ZNF584: variants seen among roughly 807,000 people sequenced by gnomAD.
ZNF584 encodes zinc finger protein 584.
Under a neutral mutation model 14.7 loss-of-function variants are expected in ZNF584, and 12 were observed. The observed-to-expected ratio is 0.82, with a 90% CI of 0.52 to 1.32. The LOEUF is 1.32. Ranked by LOEUF, ZNF584 falls within the 40% of genes most tolerant of loss-of-function variation. ZNF584 has a pLI of 0.00. For missense variants in ZNF584, 478 were observed against 518.8 expected, an observed-to-expected ratio of 0.92 and a Z score of 0.76; for synonymous variants, 204 against 190.9, an observed-to-expected ratio of 1.07 and a Z score of -0.57.
At position 58,417,231 on chromosome 19, in the gene ZNF584, G is replaced by A; in HGVS notation, c.713G>A (p.Gly238Asp). 2 of 1,614,102 alleles carry A rather than the reference G, an allele frequency of 1.2e-6. No individual in the cohort carries two copies. Among genetic ancestry groups the A allele is most frequent in the Non-Finnish European group, 1.7e-6 (2 of 1,180,024 alleles). Residue 238 changes from glycine to aspartate, a missense_variant, in exon 4 of 4, where the codon GGC becomes GAC. Gly to Asp is a moderately conservative substitution (Grantham distance 94, BLOSUM62 -1). Coordinates refer to ENST00000306910, the MANE Select transcript of ZNF584 (RefSeq NM_173548.3). ...AGGAAACACCAGAAGGTTCACACAG[G>A]CATAAAACCTTTTAAGTGTAGTGAC... ...KLRKHQKVHT[G>D]IKPFKCSDCG...
intron 2 of ZNF584, among the ~76,000 whole-genome samples, chr19:58,412,923 A>T (rs1255861030): frequency 6.6e-6 from 1 of 152,196 alleles, no homozygotes; most frequent in Non-Finnish European, 1.5e-5. Flanking sequence ...CATCTAAGTT[A>T]TCCAATTTGT....
rs1491122996 is a variant in ZNF584, at chr19:58,410,777, A to ATTTTTTTT, written c.169+686_169+687insTTTTTTTT. On this transcript the variant is annotated intron_variant, in intron 2 of 3. Transcript: ENST00000306910. ...TATATATATATGTATATATATATAT[A>ATTTTTTTT]ATTTTTTTTTTTTTTTTTTTTTTTT... is the stretch of plus-strand genomic sequence containing the variant. 1.1e-3 allele frequency among the ~76,000 whole-genome samples: 9 copies of ATTTTTTTT among 8,076 alleles called. 1 individual carries two copies. Among genetic ancestry groups the ATTTTTTTT allele is most frequent in the Non-Finnish European group, 2.3e-3 (7 of 3,010 alleles). 5.3% of individuals were successfully genotyped at this position (8,076 alleles called of 152,430 possible).
chr19:58,410,649 ATATATGTGTATATATGTATATATGTG>A (rs1568584818), intron 2 of ZNF584, among the ~76,000 whole-genome samples: 1 of 24,880 alleles, frequency 4.0e-5, no homozygotes, highest in Non-Finnish European at 6.7e-5. Flanking sequence ...ATATATGTGT[ATATATGTGTATATATGTATATATGTG>A]TATATATATG....
chr19:58,416,208 C>T, intron 3 of ZNF584: 1 of 356,382 alleles, frequency 2.8e-6, no homozygotes, highest in Non-Finnish European at 5.2e-6. Context: ...CAGGCTTTCC[C>T]AACCCAGACC....
Position 58,410,106 on chromosome 19 carries a change from C to T in ZNF584, c.169+15C>T. ...TAGCTCACTGGGTAAGTCTCTTACA[C>T]TGTCCCCCAGCACACTGACTACCCC... is the stretch of plus-strand genomic sequence containing the variant. On this transcript the variant is annotated intron_variant, in intron 2 of 3. Coordinates refer to ENST00000306910, the MANE Select transcript of ZNF584 (RefSeq NM_173548.3). 1.9e-6 allele frequency: 3 copies of T among 1,597,402 alleles called. No individual in the cohort carries two copies. Among genetic ancestry groups the T allele is most frequent in the South Asian group, 1.1e-5 (1 of 88,320 alleles).
At position 58,415,645 on chromosome 19, in the gene ZNF584, T is replaced by C; in HGVS notation, c.291T>C (p.Leu97=). The part of the protein sequence containing the change: ...SRAEARRGFG[L]DGLCRVEDER... ...CAGAAGCCAGGAGAGGTTTTGGTCT[T>C]GGTAAGTGGAGTGGAGGGGAATACC... Residue 97 remains leucine, a splice_region_variant and synonymous_variant, in exon 3 of 4, where the codon CTT becomes CTC. Coordinates refer to ENST00000306910, the MANE Select transcript of ZNF584 (RefSeq NM_173548.3). 1 of 1,613,736 alleles carries C rather than the reference T, an allele frequency of 6.2e-7. No individual in the cohort carries two copies. The highest frequency in any genetic ancestry group is 8.5e-7 in the Non-Finnish European group (1 of 1,179,756).
At chr19:58,416,435 C>G (rs147646300) in intron 3 of ZNF584, 4,435 of 163,066 alleles carry the variant, frequency 0.027, 231 homozygotes, top group African/African-American at 0.1. Flanking sequence ...CGGAGTTTTG[C>G]TCTTACTGCC....
In ZNF584 at chr19:58,409,086, G is replaced by T. The variant is rs948016142; in HGVS notation, c.-62G>T. On this transcript the variant is annotated 5_prime_UTR_variant, in exon 1 of 4. Coordinates refer to ENST00000306910, the MANE Select transcript of ZNF584 (RefSeq NM_173548.3). ...TTCCACGGCGGCCGAGGGTTTCCGC[G>T]CCCGGGACGCGTTTCGGCTGAGGCC... 3.4e-6 allele frequency: 5 copies of T among 1,457,404 alleles called. No individual in the cohort carries two copies. The highest frequency in any genetic ancestry group is 1.5e-5 in the African/African-American group (1 of 68,864). 90.3% of individuals were successfully genotyped at this position (1,457,404 alleles called of 1,614,324 possible).
chr19:58,415,890 A>G (rs546800857), intron 3 of ZNF584: 1 of 1,599,008 alleles, frequency 6.3e-7, no homozygotes, highest in South Asian at 1.1e-5. Context: ...AGAGCTGTCT[A>G]CTGTTGGCGA....
In ZNF584 at chr19:58,417,615, G is replaced by C. The variant is rs567089286; in HGVS notation, c.1097G>C (p.Arg366Thr). The C allele has an allele frequency of 3.1e-6, 5 of 1,614,122 alleles. No individual in the cohort carries two copies. The East Asian group carries it at 6.7e-5, about 22-fold the overall frequency. ...CTGTGTGGGAAAACCTTCACTACCA[G>C]ATCCTACCGCAATCGGCACCAGCAG... Reference protein sequence around the residue: ...CSLCGKTFTTRSYRNRHQQFH... With the variant: ...CSLCGKTFTTTSYRNRHQQFH... Residue 366 changes from arginine (R) to threonine (T), a missense_variant, in exon 4 of 4, where the codon AGA (arginine) becomes ACA (threonine). This residue lies in a region of ZNF584 where 283 missense variants were observed against 317.3 expected (regional missense o/e 0.89). Transcript: ENST00000306910.
chr19:58,407,893 C>A (rs1333343561), upstream of ZNF584, among the ~76,000 whole-genome samples: 1 of 152,192 alleles, frequency 6.6e-6, no homozygotes, highest in Non-Finnish European at 1.5e-5. Context: ...CTCTCCCAGG[C>A]CCCCATACCT....
intron 2 of ZNF584, among the ~76,000 whole-genome samples, chr19:58,412,775 T>C (rs552085207): frequency 6.6e-6 from 1 of 152,352 alleles, no homozygotes; most frequent in South Asian, 2.1e-4. Flanking sequence ...CCATCAGGGC[T>C]TGGGGTTGTG....
rs1214130550 is a variant in ZNF584 at position 58,418,005 on chromosome 19, T to C, written c.*221T>C. ...ACATCACTGAGTTTATCCACCGCCA[T>C]CCACCTCTATCCACCCCATAAGGTC... On this transcript the variant is annotated 3_prime_UTR_variant, in exon 4 of 4. Coordinates refer to ENST00000306910, the MANE Select transcript of ZNF584 (RefSeq NM_173548.3). 1 of 570,712 alleles carries C rather than the reference T, an allele frequency of 1.8e-6. No individual in the cohort carries two copies. The highest frequency in any genetic ancestry group is 2.2e-5 in the South Asian group (1 of 44,758). The allele number at this position is 570,712 out of a possible 1,614,324, so 35.4% of individuals were successfully genotyped here. A position where few individuals can be genotyped will look rare whatever the true frequency, so the allele number is the denominator to read the frequency against.
intron 2 of ZNF584, 51 bp downstream of exon 2, chr19:58,410,142 C>T (rs1341360780): frequency 1.3e-6 from 2 of 1,549,680 alleles, no homozygotes; most frequent in Non-Finnish European, 1.7e-6. Flanking sequence ...CTCATTTTCC[C>T]CATGCGAAGT....
intron 2 of ZNF584, 38 bp from the exon 3 acceptor site, chr19:58,415,486 A>G (rs1412142010): frequency 1.3e-6 from 2 of 1,592,644 alleles, no homozygotes; most frequent in African/African-American, 2.7e-5. Context: ...ATCAGCCACC[A>G]TGCCCAGCCT....
At chr19:58,410,539 A>AATTTTTTTTTTTTTTT in intron 2 of ZNF584, among the ~76,000 whole-genome samples, 20 of 38,694 alleles carry the variant, frequency 5.2e-4, no homozygotes, top group South Asian at 1.4e-3. Context: ...ATATATATAT[A>AATTTTTTTTTTTTTTT]TATATATATA....
chr19:58,411,223 T>C (rs1001207276), intron 2 of ZNF584, among the ~76,000 whole-genome samples: 1 of 152,056 alleles, frequency 6.6e-6, no homozygotes, highest in Admixed American at 6.6e-5. Context: ...GTTCATTTAA[T>C]GTGTTTATTA....
At chr19:58,402,480 G>A (rs1018575070) in intron 1 of ZNF584, among the ~76,000 whole-genome samples, 1 of 152,198 alleles carries the variant, frequency 6.6e-6, no homozygotes, top group African/African-American at 2.4e-5. Context: ...AAACATAACA[G>A]ATTTTTTTAA....
Position 58,408,792 on chromosome 19 carries a change from G to A in ZNF584, c.-356G>A. On this transcript the variant is annotated 5_prime_UTR_variant, in exon 1 of 4. Transcript: ENST00000306910. ...GGCAGTCCGCAGTCCTCGGCGGGAA[G>A]GCTGTCCCGGCGCCTCAGGCAGCTC... 4.2e-6 allele frequency: 1 copy of A among 236,976 alleles called. No homozygotes were observed. The highest frequency in any genetic ancestry group is 8.3e-6 in the Non-Finnish European group (1 of 120,860). 14.7% of individuals were successfully genotyped at this position (236,976 alleles called of 1,614,324 possible).
Sources: allele counts gnomAD v4.1 joint callset (sites outside exome capture counted in the v4.1 genomes callset), GRCh38; gene constraint gnomAD v4.1.1; regional missense constraint gnomAD v4.1.1; transcripts MANE v1.5; gene names NCBI Gene and HGNC (gene_info 2026-07-23, HGNC 2026-07-21).